Variants in DGKI observed in about 807,000 individuals in gnomAD.
DGKI encodes DAG kinase iota.
Under a neutral mutation model 147.5 loss-of-function variants are expected in DGKI, and 55 were observed. That is an observed-to-expected ratio of 0.37 (90% CI 0.30 to 0.47). The LOEUF (loss-of-function observed/expected upper bound fraction) is 0.47, where lower values mean the gene tolerates loss of function less well. DGKI is among the 20% of genes least tolerant of loss of function. The probability of loss-of-function intolerance (pLI) is 1.00; values close to 1 mark genes in which losing one functional copy is unlikely to be tolerated. For synonymous variants in DGKI, 469 were observed against 477.1 expected, an observed-to-expected ratio of 0.98 and a Z score of 0.22; for missense variants, 1,007 against 1,323.8, an observed-to-expected ratio of 0.76 and a Z score of 3.71.
chr7:137,472,995 A>C (rs972602921), intron 23 of DGKI, among the ~76,000 whole-genome samples: 1 of 152,176 alleles, frequency 6.6e-6, no homozygotes, highest in Non-Finnish European at 1.5e-5. Flanking sequence ...TCTCTAGGCT[A>C]TTCTAATTAC....
chr7:137,731,812 A>G (rs1794893608), intron 1 of DGKI, among the ~76,000 whole-genome samples: 1 of 152,026 alleles, frequency 6.6e-6, no homozygotes, highest in Non-Finnish European at 1.5e-5. Flanking sequence ...AACCTGCTGA[A>G]ATTAATCCCA....
At chr7:137,808,859 A>G (rs924311113) in intron 1 of DGKI, among the ~76,000 whole-genome samples, 1 of 152,318 alleles carries the variant, frequency 6.6e-6, no homozygotes, top group African/African-American at 2.4e-5. Context: ...GCTGGAACCA[A>G]CATTACACAT....
intron 29 of DGKI, among the ~76,000 whole-genome samples, chr7:137,408,835 C>G (rs1812058655): frequency 6.6e-6 from 1 of 152,146 alleles, no homozygotes; most frequent in Non-Finnish European, 1.5e-5. Context: ...CTCCAAACTA[C>G]AGTATTTCAT....
At chr7:137,565,784 G>A (rs191284554) in intron 19 of DGKI, among the ~76,000 whole-genome samples, 1 of 152,218 alleles carries the variant, frequency 6.6e-6, no homozygotes, top group East Asian at 1.9e-4. Context: ...AAATTACAAT[G>A]TCTGATTATG....
At chr7:137,575,224 T>G (rs943560616) in intron 17 of DGKI, among the ~76,000 whole-genome samples, 2 of 152,220 alleles carry the variant, frequency 1.3e-5, no homozygotes, top group African/African-American at 2.4e-5. Context: ...TTATAATGAT[T>G]TTTTTCCTCC....
chr7:137,615,687 T>C (rs1015245207), intron 8 of DGKI, among the ~76,000 whole-genome samples: 10 of 151,610 alleles, frequency 6.6e-5, no homozygotes, highest in Non-Finnish European at 1.0e-4. Context: ...CTCCAAATCA[T>C]GGCTAAAACT....
At chr7:137,699,211 C>T (rs1302113049) in intron 1 of DGKI, among the ~76,000 whole-genome samples, 1 of 152,176 alleles carries the variant, frequency 6.6e-6, no homozygotes, top group African/African-American at 2.4e-5. Flanking sequence ...ACTAATCCCA[C>T]TCATGCAGAC....
Position 137,384,044 on chromosome 7 carries a change from A to G in DGKI, c.*7176T>C, listed in dbSNP as rs543472724. On this transcript the variant is annotated 3_prime_UTR_variant, in exon 33 of 33. Coordinates refer to ENST00000614521, the MANE Select transcript of DGKI (RefSeq NM_001321708.2). ...ATGACTATGTATTATCATAACACTT[A>G]GCTTGCATACCCACCCATAAACTTA... 2 of 152,096 alleles carry G rather than the reference A, an allele frequency of 1.3e-5. No individual in the cohort carries two copies. Among genetic ancestry groups the G allele is most frequent in the Non-Finnish European group, 2.9e-5 (2 of 67,976 alleles). 9.4% of individuals were successfully genotyped at this position (152,096 alleles called of 1,614,324 possible).
chr7:137,429,445 A>C (rs559124681), intron 28 of DGKI, among the ~76,000 whole-genome samples: 6,477 of 151,454 alleles, frequency 0.043, 429 homozygotes, highest in African/African-American at 0.15. Flanking sequence ...AAAACCATAA[A>C]AACCCTAGAA....
chr7:137,521,545 A>G (rs1396983587), intron 21 of DGKI, among the ~76,000 whole-genome samples: 1 of 152,108 alleles, frequency 6.6e-6, no homozygotes, highest in Non-Finnish European at 1.5e-5. Flanking sequence ...AGTTTTCTGG[A>G]TGGTGCTATA....
rs1303366984 is a variant in DGKI, at chr7:137,383,697, A to C, written c.*7523T>G. 2.0e-5 allele frequency: 3 copies of C among 152,064 alleles called. No individual in the cohort carries two copies. The East Asian group carries it at 5.8e-4, about 29-fold the overall frequency. 9.4% of individuals were successfully genotyped at this position (152,064 alleles called of 1,614,324 possible). A position where few individuals can be genotyped will look rare whatever the true frequency, so the allele number is the denominator to read the frequency against. On this transcript the variant is annotated 3_prime_UTR_variant, in exon 33 of 33. Transcript: ENST00000614521. ...TCTGGATGCAATGTTTAGGAAAAAT[A>C]AATCCTTATAAGTAATAAAGCTAAC...
intron 1 of DGKI, among the ~76,000 whole-genome samples, chr7:137,706,332 A>G (rs560460039): frequency 4.0e-5 from 6 of 151,862 alleles, no homozygotes; most frequent in African/African-American, 1.4e-4. Context: ...AAATAGCTAC[A>G]CAGATGAAAT....
intron 1 of DGKI, among the ~76,000 whole-genome samples, chr7:137,793,950 C>T (rs1796945594): frequency 6.6e-6 from 1 of 152,220 alleles, no homozygotes. Context: ...TCACCATCAT[C>T]TAGCCATATG....
chr7:137,551,925 AG>A (rs1585222984), intron 20 of DGKI, among the ~76,000 whole-genome samples: 2 of 152,200 alleles, frequency 1.3e-5, no homozygotes, highest in African/African-American at 4.8e-5. Context: ...ATGTGGATAG[AG>A]GCAAGCCACT....
intron 1 of DGKI, among the ~76,000 whole-genome samples, chr7:137,780,536 T>C (rs1306559412): frequency 6.6e-6 from 1 of 152,148 alleles, no homozygotes; most frequent in African/African-American, 2.4e-5. Context: ...AAATACAACC[T>C]TCATAAAGAA....
intron 1 of DGKI, chr7:137,843,474 GA>G: frequency 1.0e-6 from 1 of 978,610 alleles, no homozygotes; most frequent in Non-Finnish European, 1.2e-6. Context: ...TGAAATAAAG[GA>G]AAAAATTCTC....
intron 1 of DGKI, among the ~76,000 whole-genome samples, chr7:137,712,381 C>G (rs558950063): frequency 1.3e-4 from 20 of 152,124 alleles, no homozygotes; most frequent in Non-Finnish European, 2.4e-4. Context: ...TCTAATTATA[C>G]ATTTAGAACA....
intron 19 of DGKI, among the ~76,000 whole-genome samples, chr7:137,559,499 G>T (rs1246579830): frequency 4.0e-5 from 6 of 151,856 alleles, no homozygotes; most frequent in Admixed American, 3.9e-4. Flanking sequence ...GAGTGAAAAA[G>T]AAAGAACTGC....
chr7:137,618,335 C>G (rs1195941324), intron 8 of DGKI, among the ~76,000 whole-genome samples: 1 of 150,064 alleles, frequency 6.7e-6, no homozygotes, highest in Non-Finnish European at 1.5e-5. Flanking sequence ...ACTCACAGTT[C>G]CACGGATATA....
Sources: allele counts gnomAD v4.1 joint callset (sites outside exome capture counted in the v4.1 genomes callset), GRCh38; gene constraint gnomAD v4.1.1; transcripts MANE v1.5; gene names NCBI Gene and HGNC (gene_info 2026-07-23, HGNC 2026-07-21).